KCNMB2: variants seen among roughly 807,000 people sequenced by gnomAD.
The protein encoded by KCNMB2 is potassium calcium-activated channel subfamily M regulatory beta subunit 2.
A neutral mutation model predicts 24.5 loss-of-function variants in KCNMB2; 9 were observed. That is an observed-to-expected ratio of 0.37 (90% CI 0.22 to 0.64). The LOEUF is 0.64. Among genes scored for constraint, KCNMB2 ranks in the 30% least tolerant of loss-of-function variants. The pLI is 0.63. For missense variants in KCNMB2, 226 were observed against 284.3 expected, an observed-to-expected ratio of 0.79 and a Z score of 1.47; for synonymous variants, 109 against 104.4, an observed-to-expected ratio of 1.04 and a Z score of -0.27.
intron 1 of KCNMB2, among the ~76,000 whole-genome samples, chr3:178,691,062 C>A (rs1052477613): frequency 6.8e-6 from 1 of 147,974 alleles, no homozygotes; most frequent in Non-Finnish European, 1.5e-5. Flanking sequence ...CTTAGTCTCC[C>A]GAGTAGCTGG....
At chr3:178,780,406 C>G (rs1241746325) in intron 1 of KCNMB2, among the ~76,000 whole-genome samples, 3 of 152,190 alleles carry the variant, frequency 2.0e-5, no homozygotes, top group Admixed American at 2.0e-4. Flanking sequence ...CCATGCCTCC[C>G]AGTTGAGACT....
At chr3:178,575,423 T>C (rs7625709) in intron 1 of KCNMB2, among the ~76,000 whole-genome samples, 1 of 152,126 alleles carries the variant, frequency 6.6e-6, no homozygotes, top group Non-Finnish European at 1.5e-5. Flanking sequence ...TTAAAATATG[T>C]ATACTAACAA....
At chr3:178,626,135 A>AT (rs1719108233) in intron 1 of KCNMB2, among the ~76,000 whole-genome samples, 1 of 152,178 alleles carries the variant, frequency 6.6e-6, no homozygotes. Flanking sequence ...GCTCCTGTAA[A>AT]TTTCTATCGT....
intron 1 of KCNMB2, among the ~76,000 whole-genome samples, chr3:178,760,507 C>CGT (rs34063119): frequency 0.052 from 6,131 of 117,420 alleles, 524 homozygotes; most frequent in African/African-American, 0.14. Context: ...CCAAGAGTTT[C>CGT]GTGTGTGTGT....
chr3:178,761,741 G>A (rs1381844947), intron 1 of KCNMB2, among the ~76,000 whole-genome samples: 1 of 152,096 alleles, frequency 6.6e-6, no homozygotes, highest in African/African-American at 2.4e-5. Context: ...GCCAAGCACT[G>A]AAGAAAAGCT....
chr3:178,551,492 G>A (rs768228825), intron 1 of KCNMB2, among the ~76,000 whole-genome samples: 12 of 152,236 alleles, frequency 7.9e-5, no homozygotes, highest in Non-Finnish European at 1.6e-4. Context: ...TCGGCCTTTC[G>A]AACCTTCTTC....
chr3:178,627,714 T>A (rs771123515), intron 1 of KCNMB2, among the ~76,000 whole-genome samples: 4 of 152,214 alleles, frequency 2.6e-5, no homozygotes, highest in Non-Finnish European at 5.9e-5. Context: ...TATCTTCACC[T>A]GTATTTTATG....
intron 1 of KCNMB2, among the ~76,000 whole-genome samples, chr3:178,786,594 A>G (rs532935178): frequency 1.5e-4 from 23 of 152,112 alleles, no homozygotes; most frequent in African/African-American, 5.5e-4. Flanking sequence ...TAATCTTTCC[A>G]CCCTCGACTT....
intron 1 of KCNMB2, among the ~76,000 whole-genome samples, chr3:178,792,184 T>C (rs1713348024): frequency 6.6e-6 from 1 of 152,220 alleles, no homozygotes; most frequent in African/African-American, 2.4e-5. Context: ...AATTACAACA[T>C]CTTTTCAAGA....
chr3:178,629,778 G>A (rs1166527573), intron 1 of KCNMB2, among the ~76,000 whole-genome samples: 1 of 152,162 alleles, frequency 6.6e-6, no homozygotes, highest in Admixed American at 6.5e-5. Flanking sequence ...TTGTGCTCAT[G>A]GAAATGAATA....
chr3:178,699,656 G>A (rs1032683546), intron 1 of KCNMB2, among the ~76,000 whole-genome samples: 20 of 152,314 alleles, frequency 1.3e-4, no homozygotes, highest in South Asian at 4.1e-4. Flanking sequence ...GTCCAACCCC[G>A]TCTGATGTCC....
chr3:178,553,753 T>C (rs1210008032), intron 1 of KCNMB2, among the ~76,000 whole-genome samples: 1 of 152,110 alleles, frequency 6.6e-6, no homozygotes. Flanking sequence ...TTGGCCAGGC[T>C]GTTCTCAAAC....
At position 178,596,826 on chromosome 3, in the gene KCNMB2, A is replaced by G. The variant is rs147427862; in HGVS notation, c.-68+60115A>G. Among the ~76,000 whole-genome samples, 244 of 152,264 alleles carry G rather than the reference A, an allele frequency of 1.6e-3. 6 individuals are homozygous for G. Among genetic ancestry groups the G allele is most frequent in the African/African-American group, 5.5e-3 (227 of 41,536 alleles). On this transcript the variant is annotated intron_variant, in intron 1 of 4. Transcript: ENST00000452583. ...TAAAAGGCAAGAGATTCAATTTTGTACCAGACACTAAATCTGTCTCTCAAA... is the reference window on the plus strand; with the variant it reads ...TAAAAGGCAAGAGATTCAATTTTGTGCCAGACACTAAATCTGTCTCTCAAA...
chr3:178,743,466 G>C (rs1168583983), intron 1 of KCNMB2, among the ~76,000 whole-genome samples: 1 of 152,150 alleles, frequency 6.6e-6, no homozygotes, highest in Non-Finnish European at 1.5e-5. Context: ...TTTTCCCTGA[G>C]AAAAAGCAAG....
intron 1 of KCNMB2, among the ~76,000 whole-genome samples, chr3:178,613,651 C>A (rs1411732246): frequency 6.6e-6 from 1 of 152,174 alleles, no homozygotes; most frequent in Non-Finnish European, 1.5e-5. Context: ...ATGCCACTCT[C>A]TCCTGCACTG....
chr3:178,746,391 G>A (rs1295528027), intron 1 of KCNMB2, among the ~76,000 whole-genome samples: 1 of 152,028 alleles, frequency 6.6e-6, no homozygotes. Context: ...CACACAGCTG[G>A]GGCCCAGTCC....
intron 1 of KCNMB2, among the ~76,000 whole-genome samples, chr3:178,786,460 G>A (rs980062428): frequency 1.3e-5 from 2 of 152,148 alleles, no homozygotes; most frequent in Non-Finnish European, 2.9e-5. Flanking sequence ...GTACAAAAAC[G>A]TGGTTGGATC....
chr3:178,694,620 G>A (rs1721809022), intron 1 of KCNMB2, among the ~76,000 whole-genome samples: 1 of 152,198 alleles, frequency 6.6e-6, no homozygotes, highest in African/African-American at 2.4e-5. Flanking sequence ...AAAACAAAGG[G>A]CCTACAGGCC....
intron 1 of KCNMB2, among the ~76,000 whole-genome samples, chr3:178,754,657 G>A (rs1723965933): frequency 6.6e-6 from 1 of 152,136 alleles, no homozygotes. Context: ...CCCACAACAG[G>A]GGAGGTAGGT....
Sources: gnomAD v4.1 joint callset for allele counts (sites outside exome capture counted in the v4.1 genomes callset) on GRCh38, gnomAD v4.1.1 for gene constraint, MANE v1.5 for transcripts, NCBI Gene and HGNC (gene_info 2026-07-23, HGNC 2026-07-21) for gene names.